The following ZNF721 variants were observed in gnomAD, a reference collection of about 807,000 sequenced individuals.
ZNF721 encodes zinc finger protein 721.
Under a neutral mutation model 2.4 loss-of-function variants are expected in ZNF721, and 2 were observed. The ratio of observed to expected loss-of-function variants is 0.82; its 90% CI spans 0.34 to 2.58. The LOEUF (loss-of-function observed/expected upper bound fraction) is 2.58. Ranked by LOEUF, ZNF721 falls within the 30% of genes most tolerant of loss-of-function variation. The probability of loss-of-function intolerance (pLI) is 0.11; values close to 1 mark genes in which losing one functional copy is unlikely to be tolerated. For missense variants in ZNF721, 1,187 were observed against 1,085.5 expected (o/e 1.09, Z -1.31); for synonymous variants, 398 against 381.8 (o/e 1.04, Z -0.50).
chr4:450,937 C>CAAAAAAAAAAAAAAAAA (rs781962651), intron 2 of ZNF721, among the ~76,000 whole-genome samples: 1 of 26,518 alleles, frequency 3.8e-5, no homozygotes, highest in African/African-American at 1.8e-4. Flanking sequence ...ACTCTGTCTC[C>CAAAAAAAAAAAAAAAAA]AAAAAAAAAA....
intron 1 of ZNF721, among the ~76,000 whole-genome samples, chr4:497,270 T>G (rs1450592631): frequency 6.6e-6 from 1 of 151,598 alleles, no homozygotes; most frequent in Non-Finnish European, 1.5e-5. Flanking sequence ...CGAAAAACGT[T>G]GGAAGATCAG....
intron 1 of ZNF721, among the ~76,000 whole-genome samples, chr4:477,629 G>A (rs1345929680): frequency 3.9e-5 from 6 of 152,096 alleles, no homozygotes; most frequent in Non-Finnish European, 7.4e-5. Flanking sequence ...ACCTATTGAG[G>A]AGGGAATGTT....
At chr4:477,115 A>G (rs2108715950) in intron 1 of ZNF721, among the ~76,000 whole-genome samples, 1 of 152,188 alleles carries the variant, frequency 6.6e-6, no homozygotes, top group South Asian at 2.1e-4. Flanking sequence ...CTGCAACAGG[A>G]ATATTGATCT....
chr4:440,541 G>A lies in ZNF721; in HGVS notation c.*1154C>T, dbSNP rs1417237888. On this transcript the variant is annotated 3_prime_UTR_variant, in exon 3 of 3. Transcript: ENST00000511833. Reference sequence around the variant, plus strand: ...ATTTATTTTAAAGTCTGAAGTGTTAGTTCCTTAGTTCTTTCTACTGTAAAT... The same window carrying A: ...ATTTATTTTAAAGTCTGAAGTGTTAATTCCTTAGTTCTTTCTACTGTAAAT... The A allele has an allele frequency of 6.6e-6, 1 of 152,140 alleles. No homozygotes were observed. Among genetic ancestry groups the A allele is most frequent in the East Asian group, 1.9e-4 (1 of 5,202 alleles). The allele number at this position is 152,140 out of a possible 1,614,324, so 9.4% of individuals were successfully genotyped here.
chr4:440,756 C>G lies in ZNF721; in HGVS notation c.*939G>C, dbSNP rs1714207458. On this transcript the variant is annotated 3_prime_UTR_variant, in exon 3 of 3. Transcript: ENST00000511833. ...TCTCAGCTCACCGCAACCTCCACCT[C>G]CTGGGTTCAAGCCATTCTCCTGTCT... The G allele has an allele frequency of 6.6e-6, 1 of 152,338 alleles. No homozygotes were observed. The highest frequency in any genetic ancestry group is 1.5e-5 in the Non-Finnish European group (1 of 68,106). 9.4% of individuals were successfully genotyped at this position (152,338 alleles called of 1,614,324 possible). A position where few individuals can be genotyped will look rare whatever the true frequency, so the allele number is the denominator to read the frequency against.
Position 443,712 on chromosome 4 carries a change from T to C in ZNF721, c.755A>G (p.Lys252Arg), listed in dbSNP as rs781941325. Residue 252 changes from lysine to arginine, a missense_variant, in exon 3 of 3, where the codon AAG becomes AGG. Lys to Arg is a conservative substitution (Grantham distance 26). Transcript: ENST00000511833. ...TGAGGAAATGACTTTGCCACATTCCTTACATTTGTAGGGTTTCTCTCCAGT... is the reference window on the plus strand; with the variant it reads ...TGAGGAAATGACTTTGCCACATTCCCTACATTTGTAGGGTTTCTCTCCAGT... The part of the protein sequence containing the change: ...IHTGEKPYKC[K>R]ECGKVISSSS... 8 of 1,613,976 alleles carry C rather than the reference T, an allele frequency of 5.0e-6. No homozygotes were observed. The highest frequency in any genetic ancestry group is 6.8e-6 in the Non-Finnish European group (8 of 1,179,980).
At chr4:471,937 AGAGT>A (rs1715449820) in intron 2 of ZNF721, among the ~76,000 whole-genome samples, 1 of 152,252 alleles carries the variant, frequency 6.6e-6, no homozygotes, top group African/African-American at 2.4e-5. Context: ...ACACAGATGA[AGAGT>A]AAGTCCTCAC....
At chr4:466,988 G>A (rs1416926767) in intron 2 of ZNF721, among the ~76,000 whole-genome samples, 1 of 152,140 alleles carries the variant, frequency 6.6e-6, no homozygotes, top group African/African-American at 2.4e-5. Flanking sequence ...GGAGGCCAAG[G>A]CAGGCAGATC....
chr4:479,254 G>A (rs1269972266), intron 1 of ZNF721, among the ~76,000 whole-genome samples: 1 of 152,090 alleles, frequency 6.6e-6, no homozygotes, highest in Non-Finnish European at 1.5e-5. Context: ...TGGTTAGAGT[G>A]TGGGGATGGT....
intron 2 of ZNF721, among the ~76,000 whole-genome samples, chr4:467,344 T>C (rs1553866901): frequency 6.6e-6 from 1 of 152,236 alleles, no homozygotes; most frequent in African/African-American, 2.4e-5. Context: ...AAAGCCATTA[T>C]TTTAATAAGA....
chr4:498,882 G>A (rs1553873424), intron 1 of ZNF721, among the ~76,000 whole-genome samples, 174 bp downstream of exon 1: 3 of 151,880 alleles, frequency 2.0e-5, no homozygotes, highest in African/African-American at 7.3e-5. Flanking sequence ...CCGCCATCAC[G>A]CCCCGCTAAT....
At chr4:489,906 T>A (rs553522873) in intron 1 of ZNF721, among the ~76,000 whole-genome samples, 1 of 152,102 alleles carries the variant, frequency 6.6e-6, no homozygotes, top group South Asian at 2.1e-4. Context: ...TGTCGCCAGG[T>A]TGGAGTGCAG....
Position 443,741 on chromosome 4 carries a change from A to C in ZNF721, c.726T>G (p.Ile242Met). 6.2e-7 allele frequency: 1 copy of C among 1,614,040 alleles called. No homozygotes were observed. The highest frequency in any genetic ancestry group is 1.1e-5 in the South Asian group (1 of 91,080). The change falls in exon 3 of 3, where the codon ATT (isoleucine) becomes ATG (methionine). Residue 242 changes from isoleucine (I) to methionine (M), a missense_variant. Transcript: ENST00000511833. The part of the protein sequence containing the change: ...HSSHLNKHEK[I>M]HTGEKPYKCK... ...ATTTGTAGGGTTTCTCTCCAGTATG[A>C]ATTTTCTCATGTTTATTCAGGTGTG...
chr4:490,985 T>C (rs1308841384), intron 1 of ZNF721, among the ~76,000 whole-genome samples: 1 of 151,756 alleles, frequency 6.6e-6, no homozygotes, highest in Non-Finnish European at 1.5e-5. Flanking sequence ...AAGGAATGTT[T>C]GTTACATCCA....
At chr4:452,593 C>T (rs1431547115) in intron 2 of ZNF721, among the ~76,000 whole-genome samples, 7 of 152,076 alleles carry the variant, frequency 4.6e-5, no homozygotes, top group Admixed American at 6.6e-5. Flanking sequence ...ATGGCCCATA[C>T]GAAACAGGCC....
intron 1 of ZNF721, among the ~76,000 whole-genome samples, chr4:496,423 G>T (rs1716154399): frequency 6.6e-6 from 1 of 151,932 alleles, no homozygotes; most frequent in Non-Finnish European, 1.5e-5. Context: ...TGTTCTTCTG[G>T]GGGGGAAACC....
chr4:481,024 C>T (rs1553869387), intron 1 of ZNF721, among the ~76,000 whole-genome samples: 3 of 152,096 alleles, frequency 2.0e-5, no homozygotes. Flanking sequence ...TGGGCTCAAA[C>T]AATCCTCCCA....
intron 1 of ZNF721, among the ~76,000 whole-genome samples, chr4:475,715 T>C (rs1553868510): frequency 2.0e-5 from 3 of 152,104 alleles, no homozygotes; most frequent in Non-Finnish European, 4.4e-5. Flanking sequence ...TACTTGGTCA[T>C]AGTACAAGAA....
intron 2 of ZNF721, among the ~76,000 whole-genome samples, chr4:451,705 G>T (rs782703491): frequency 1.2e-4 from 19 of 152,340 alleles, no homozygotes; most frequent in South Asian, 8.3e-4. Context: ...GGTATTGTGT[G>T]TGTGTCTTCT....
Sources: gnomAD v4.1 joint callset for allele counts (sites outside exome capture counted in the v4.1 genomes callset) on GRCh38, gnomAD v4.1.1 for gene constraint, MANE v1.5 for transcripts, NCBI Gene and HGNC (gene_info 2026-07-23, HGNC 2026-07-21) for gene names.